CCDC18: variants seen among roughly 807,000 people sequenced by gnomAD.
The protein encoded by CCDC18 is coiled-coil domain containing 18.
CCDC18 carries 157 observed loss-of-function variants against 196.0 expected under a neutral mutation model. The ratio of observed to expected loss-of-function variants is 0.80; its 90% confidence interval spans 0.70 to 0.91. CCDC18 has a LOEUF of 0.91. Ranked by LOEUF, CCDC18 falls within the 40% of genes least tolerant of loss-of-function variation. CCDC18 has a pLI of 0.00. For synonymous variants in CCDC18, 482 were observed against 529.2 expected (o/e 0.91, Z 1.22); for missense variants, 1,465 against 1,611.6 (o/e 0.91, Z 1.56).
intron 28 of CCDC18, 44 bp downstream of exon 28, chr1:93,270,858 A>G: frequency 7.2e-7 from 1 of 1,385,858 alleles, no homozygotes; most frequent in Non-Finnish European, 9.5e-7. Flanking sequence ...TTGTTTCCAA[A>G]GAATATCATT....
chr1:93,240,163 G>A (rs1464694447), intron 21 of CCDC18, among the ~76,000 whole-genome samples: 1 of 152,158 alleles, frequency 6.6e-6, no homozygotes, highest in Non-Finnish European at 1.5e-5. Context: ...CTAACAGCAG[G>A]AGGATATTAA....
Position 93,212,162 on chromosome 1 carries a change from C to A in CCDC18, c.1396C>A (p.Gln466Lys). The part of the protein sequence containing the change: ...QKLHANLTAN[Q>K]LSQSLITCND... Reference sequence around the variant, plus strand: ...GCTTCATGCAAACCTGACTGCAAATCAGTTATCTCAGAGTCTTATTACTTG... The same window carrying A: ...GCTTCATGCAAACCTGACTGCAAATAAGTTATCTCAGAGTCTTATTACTTG... Residue 466 changes from glutamine (Q) to lysine (K), a missense_variant, in exon 11 of 29, where the codon CAG becomes AAG. By Grantham distance (53) the Gln-to-Lys change is moderately conservative. Coordinates refer to ENST00000690025, the MANE Select transcript of CCDC18 (RefSeq NM_001378204.1). The A allele has an allele frequency of 6.2e-7, 1 of 1,610,940 alleles. No individual in the cohort carries two copies. The highest frequency in any genetic ancestry group is 1.1e-5 in the South Asian group (1 of 90,174).
At chr1:93,275,665 G>A (rs115807563) in intron 28 of CCDC18, among the ~76,000 whole-genome samples, 2,243 of 152,208 alleles carry the variant, frequency 0.015, 28 homozygotes, top group Non-Finnish European at 0.024. Context: ...TCTACTCATG[G>A]CTGCTCATGC....
intron 1 of CCDC18, 35 bp downstream of exon 1, chr1:93,180,887 G>A (rs1447136156): frequency 2.9e-6 from 4 of 1,364,920 alleles, no homozygotes; most frequent in Non-Finnish European, 3.9e-6. Flanking sequence ...TGGGTGGTGA[G>A]CGACTGCGCC....
At chr1:93,264,572 G>A (rs7518171) in intron 26 of CCDC18, 129 bp from the exon 27 acceptor site, 17,345 of 567,078 alleles carry the variant, frequency 0.031, 2,141 homozygotes, top group African/African-American at 0.28. Context: ...TCAGATGTTT[G>A]TAACTATAAA....
upstream of CCDC18, chr1:93,180,118 G>C (rs777728367): frequency 3.7e-6 from 6 of 1,613,854 alleles, no homozygotes; most frequent in Non-Finnish European, 5.1e-6. Flanking sequence ...CTTCTGGCCG[G>C]CGGGAAGGGT....
chr1:93,271,929 G>A (rs1212654687), intron 28 of CCDC18, among the ~76,000 whole-genome samples: 1 of 150,830 alleles, frequency 6.6e-6, no homozygotes. Flanking sequence ...TTCTTATTTT[G>A]AACTAATTAC....
At chr1:93,231,134 A>G (rs886625481) in intron 17 of CCDC18, among the ~76,000 whole-genome samples, 7 of 152,216 alleles carry the variant, frequency 4.6e-5, no homozygotes, top group African/African-American at 1.7e-4. Context: ...CTTAATGTTC[A>G]CCTGCTGGAT....
chr1:93,191,371 G>A (rs766258078), intron 4 of CCDC18, among the ~76,000 whole-genome samples: 11 of 152,178 alleles, frequency 7.2e-5, no homozygotes, highest in South Asian at 2.1e-4. Flanking sequence ...GAGGATGACT[G>A]TTACTTGCAG....
chr1:93,253,877 C>T (rs1662587478), intron 23 of CCDC18, among the ~76,000 whole-genome samples: 1 of 152,170 alleles, frequency 6.6e-6, no homozygotes, highest in African/African-American at 2.4e-5. Context: ...AATAACACTC[C>T]CACATCTTCG....
At chr1:93,252,997 G>A (rs1408307189) in intron 23 of CCDC18, among the ~76,000 whole-genome samples, 4 of 152,248 alleles carry the variant, frequency 2.6e-5, no homozygotes, top group Non-Finnish European at 5.9e-5. Flanking sequence ...CTGTCCTGGT[G>A]GCCCAGATGG....
chr1:93,237,571 C>T (rs915613229), intron 19 of CCDC18, among the ~76,000 whole-genome samples: 10 of 152,292 alleles, frequency 6.6e-5, no homozygotes, highest in Non-Finnish European at 1.5e-4. Context: ...GACATTGCTT[C>T]TTCCCCTGTA....
chr1:93,179,923 G>A, upstream of CCDC18: 1 of 1,000,214 alleles, frequency 1.0e-6, no homozygotes, highest in Non-Finnish European at 1.4e-6. Flanking sequence ...GCGCGGAGCG[G>A]GCTGGCTTCC....
At chr1:93,221,519 A>G in intron 14 of CCDC18, 90 bp from the exon 15 acceptor site, 1 of 887,048 alleles carries the variant, frequency 1.1e-6, no homozygotes, top group Non-Finnish European at 1.6e-6. Flanking sequence ...AAATCTATGT[A>G]ATTTCAATTA....
intron 14 of CCDC18, among the ~76,000 whole-genome samples, chr1:93,221,004 C>A (rs1345226024): frequency 6.6e-6 from 1 of 152,152 alleles, no homozygotes; most frequent in African/African-American, 2.4e-5. Flanking sequence ...TATGTATGTA[C>A]CACATTTTCT....
rs541136042 is a variant in CCDC18 at position 93,205,466 on chromosome 1, A to G, written c.796-44A>G. 70 of 1,529,966 alleles carry G rather than the reference A, an allele frequency of 4.6e-5. 1 individual carries two copies. The South Asian group carries it at 7.5e-4, about 16-fold the overall frequency. 94.8% of individuals were successfully genotyped at this position (1,529,966 alleles called of 1,614,324 possible). A position where few individuals can be genotyped will look rare whatever the true frequency, so the allele number is the denominator to read the frequency against. On this transcript the variant is annotated intron_variant, in intron 7 of 28. Transcript: ENST00000690025. Reference sequence around the variant, plus strand: ...GACATTTTTAGCTTGAAACACCTAAAACTTACAACCACATTAGTATGTCCA... The same window carrying G: ...GACATTTTTAGCTTGAAACACCTAAGACTTACAACCACATTAGTATGTCCA...
chr1:93,190,220 C>T lies in CCDC18; in HGVS notation c.463-1780C>T, dbSNP rs188716678. On this transcript the variant is annotated intron_variant, in intron 4 of 28. Coordinates refer to ENST00000690025, the MANE Select transcript of CCDC18 (RefSeq NM_001378204.1). ...TTAGAAGCTTTTGGGCCGGGCACGG[C>T]GGCTCACGCCTGTAATTCCAGAACT... Among the ~76,000 whole-genome samples, 56 of 152,222 alleles carry T rather than the reference C, an allele frequency of 3.7e-4. 1 individual carries two copies. Among genetic ancestry groups the T allele is most frequent in the African/African-American group, 1.3e-3 (54 of 41,532 alleles).
At chr1:93,208,034 TG>T (rs1557627560) in intron 9 of CCDC18, among the ~76,000 whole-genome samples, 1 of 106,566 alleles carries the variant, frequency 9.4e-6, no homozygotes, top group Non-Finnish European at 2.5e-5. Context: ...GATGGACATT[TG>T]GATTGTTTCC....
intron 21 of CCDC18, among the ~76,000 whole-genome samples, chr1:93,244,691 T>C (rs1259250395): frequency 6.6e-6 from 1 of 152,200 alleles, no homozygotes; most frequent in Non-Finnish European, 1.5e-5. Context: ...CTGTGCACTT[T>C]AAAATGGTTA....
Sources: allele counts gnomAD v4.1 joint callset (sites outside exome capture counted in the v4.1 genomes callset), GRCh38; gene constraint gnomAD v4.1.1; transcripts MANE v1.5; gene names NCBI Gene and HGNC (gene_info 2026-07-23, HGNC 2026-07-21).